Variants in LTBP2 observed in about 807,000 individuals in gnomAD.
LTBP2 encodes the protein latent-transforming growth factor beta-binding protein 2.
Under a neutral mutation model 210.6 loss-of-function variants are expected in LTBP2, and 103 were observed. The observed-to-expected ratio is 0.49, with a 90% CI of 0.42 to 0.58. The LOEUF (loss-of-function observed/expected upper bound fraction) is 0.58, where lower values mean the gene tolerates loss of function less well. Among genes scored for constraint, LTBP2 ranks in the 20% least tolerant of loss-of-function variants. The pLI, the probability that LTBP2 is intolerant of heterozygous loss-of-function variation, is 0.00. For missense variants in LTBP2, 2,313 were observed against 2,494.5 expected (o/e 0.93, Z 1.55); for synonymous variants, 1,007 against 1,015.0 (o/e 0.99, Z 0.15).
rs142851664 is a variant in LTBP2 at position 74,503,993 on chromosome 14, G to C, written c.4515C>G (p.Thr1505=). 1 of 1,614,040 alleles carries C rather than the reference G, an allele frequency of 6.2e-7. No homozygotes were observed. Among genetic ancestry groups the C allele is most frequent in the Non-Finnish European group, 8.5e-7 (1 of 1,180,036 alleles). The change falls in exon 31 of 36, where the codon ACC becomes ACG. Residue 1505 remains threonine (T), a synonymous_variant. Transcript: ENST00000261978. ...GLCPNGRCLN[T]VPGYVCLCNP... ...TGCACAGGCAGACATAACCAGGCAC[G>C]GTGTTGAGGCACCGGCCGTTCGGGC...
intron 3 of LTBP2, among the ~76,000 whole-genome samples, chr14:74,582,430 A>T (rs979148582): frequency 1.6e-5 from 2 of 126,760 alleles, no homozygotes; most frequent in African/African-American, 5.9e-5. Flanking sequence ...ACACACACAC[A>T]CACTCCAGTT....
chr14:74,609,534 C>G (rs140752454), intron 1 of LTBP2, among the ~76,000 whole-genome samples: 1 of 152,172 alleles, frequency 6.6e-6, no homozygotes, highest in Non-Finnish European at 1.5e-5. Flanking sequence ...TTCCCCTACA[C>G]CAAAGCTGCA....
chr14:74,559,122 A>G (rs2087762602), intron 3 of LTBP2, among the ~76,000 whole-genome samples: 1 of 152,238 alleles, frequency 6.6e-6, no homozygotes, highest in Non-Finnish European at 1.5e-5. Flanking sequence ...GGAGTTAGCT[A>G]CAGTTTGGAC....
rs762955681 is a variant in LTBP2 at position 74,522,031 on chromosome 14, CGTT to C, written c.2665_2667del (p.Asn889del). 2.4e-5 allele frequency: 39 copies of C among 1,612,640 alleles called. 1 individual carries two copies. The Admixed American group carries it at 3.5e-4, about 15-fold the overall frequency. On this transcript the variant is annotated inframe_deletion, in exon 17 of 36. Coordinates refer to ENST00000261978, the MANE Select transcript of LTBP2 (RefSeq NM_000428.3). ...CCCTTGCAGGGGTCCCTCAGACACTCGTTGTCATCTGACCAGAAGAAGGCAGGG... is the reference window on the plus strand; with the variant it reads ...CCCTTGCAGGGGTCCCTCAGACACTCGTCATCTGACCAGAAGAAGGCAGGG...
intron 2 of LTBP2, among the ~76,000 whole-genome samples, chr14:74,602,807 T>A (rs550770409): frequency 5.9e-5 from 9 of 152,204 alleles, no homozygotes; most frequent in Non-Finnish European, 1.2e-4. Flanking sequence ...ATCAGAGCAG[T>A]CCAAGGGGAG....
rs1324965374 is a variant in LTBP2 at position 74,500,029 on chromosome 14, GTT to G, written c.*853_*854del. Reference sequence around the variant, plus strand: ...AGGTTTGTTTCCTGTAAGAAGCAGTGTTTATGTAATAGAGGTCTTTGTAGATG... The same window carrying G: ...AGGTTTGTTTCCTGTAAGAAGCAGTGTATGTAATAGAGGTCTTTGTAGATG... On this transcript the variant is annotated 3_prime_UTR_variant, in exon 36 of 36. Transcript: ENST00000261978. The G allele has an allele frequency of 3.9e-5, 9 of 232,088 alleles. No homozygotes were observed. Among genetic ancestry groups the G allele is most frequent in the Non-Finnish European group, 7.7e-5 (9 of 117,390 alleles). The allele number at this position is 232,088 out of a possible 1,614,324, so 14.4% of individuals were successfully genotyped here. A position where few individuals can be genotyped will look rare whatever the true frequency, so the allele number is the denominator to read the frequency against.
chr14:74,525,091 T>G, intron 15 of LTBP2, 33 bp downstream of exon 15: 1 of 1,206,078 alleles, frequency 8.3e-7, no homozygotes, highest in Non-Finnish European at 1.1e-6. Context: ...CAGGGCAGGG[T>G]GCAGGGAGCC....
At chr14:74,576,427 A>C (rs61980911) in intron 3 of LTBP2, among the ~76,000 whole-genome samples, 13,479 of 152,252 alleles carry the variant, frequency 0.089, 863 homozygotes, top group African/African-American at 0.17. Flanking sequence ...AAAATGGATT[A>C]TATACCAATG....
chr14:74,608,729 G>T (rs1327820508), intron 1 of LTBP2, among the ~76,000 whole-genome samples: 5 of 127,260 alleles, frequency 3.9e-5, no homozygotes, highest in Non-Finnish European at 6.8e-5. Flanking sequence ...AAAAAAAAAA[G>T]AAAAAAAGAA....
intron 3 of LTBP2, among the ~76,000 whole-genome samples, chr14:74,567,736 C>T (rs1273940862): frequency 6.6e-6 from 1 of 152,098 alleles, no homozygotes; most frequent in Non-Finnish European, 1.5e-5. Context: ...GCGCTGGGCA[C>T]ACAGCTGCTG....
intron 2 of LTBP2, among the ~76,000 whole-genome samples, chr14:74,597,170 G>A (rs1156283576): frequency 6.6e-6 from 1 of 152,202 alleles, no homozygotes; most frequent in African/African-American, 2.4e-5. Context: ...CACCATGAGG[G>A]TTTGAAGGAA....
rs1158188451 is a variant in LTBP2, at chr14:74,610,269, AAG to A, written c.494+1180_494+1181del. 3.3e-5 allele frequency among the ~76,000 whole-genome samples: 5 copies of A among 152,246 alleles called. No homozygotes were observed. In the East Asian group the frequency reaches 9.6e-4, roughly 29 times the overall value. Reference sequence around the variant, plus strand: ...AAACATAAAGCAGGGTGAAAGGAGAAAGAGGATGGGGCACGGGTGGCCAAAAG... The same window carrying A: ...AAACATAAAGCAGGGTGAAAGGAGAAAGGATGGGGCACGGGTGGCCAAAAG... On this transcript the variant is annotated intron_variant, in intron 1 of 35. Transcript: ENST00000261978.
At chr14:74,575,496 G>C (rs1462377337) in intron 3 of LTBP2, among the ~76,000 whole-genome samples, 7 of 152,230 alleles carry the variant, frequency 4.6e-5, no homozygotes, top group Non-Finnish European at 7.3e-5. Context: ...CTGTCACAGA[G>C]ACTATAATGT....
chr14:74,566,274 C>T (rs534298368), intron 3 of LTBP2, among the ~76,000 whole-genome samples: 40 of 152,230 alleles, frequency 2.6e-4, no homozygotes, highest in Non-Finnish European at 4.3e-4. Flanking sequence ...CTAGGGAACA[C>T]CAACGCTTAA....
In LTBP2 at chr14:74,508,025, G is replaced by T; in HGVS notation, c.3723C>A (p.Asn1241Lys). The change falls in exon 25 of 36, where the codon AAC becomes AAA. Residue 1241 changes from asparagine to lysine, a missense_variant. By Grantham distance (94) the Asn-to-Lys change is moderately conservative (BLOSUM62 0). This residue lies in a region of LTBP2 where 1,867 missense variants were observed against 1,976.9 expected (regional missense o/e 0.94). Coordinates refer to ENST00000261978, the MANE Select transcript of LTBP2 (RefSeq NM_000428.3). ...GCTGGAAGCCAGTCTCACATAGACA[G>T]TTGAAGGAGCCCTCGGTGTTGACAC... ...GHCVNTEGSF[N>K]CLCETGFQPS... 2 of 1,614,002 alleles carry T rather than the reference G, an allele frequency of 1.2e-6. No individual in the cohort carries two copies. Among genetic ancestry groups the T allele is most frequent in the Non-Finnish European group, 1.7e-6 (2 of 1,180,028 alleles).
chr14:74,552,764 T>G, intron 5 of LTBP2, 128 bp downstream of exon 5: 3 of 1,199,502 alleles, frequency 2.5e-6, no homozygotes, highest in Non-Finnish European at 3.6e-6. Context: ...CAGCTCCCCA[T>G]GTGATTTGGG....
At chr14:74,519,938 C>T (rs1158608565) in intron 17 of LTBP2, among the ~76,000 whole-genome samples, 2 of 152,220 alleles carry the variant, frequency 1.3e-5, no homozygotes, top group Non-Finnish European at 2.9e-5. Context: ...CCTGGCTCCT[C>T]CAGCCTGTTC....
intron 24 of LTBP2, 39 bp downstream of exon 24, chr14:74,508,565 T>C (rs1244081348): frequency 6.3e-7 from 1 of 1,591,022 alleles, no homozygotes. Context: ...TGGCTTCCCA[T>C]GCTCCTGGCC....
At chr14:74,525,544 A>G (rs1322565496) in intron 14 of LTBP2, among the ~76,000 whole-genome samples, 1 of 152,164 alleles carries the variant, frequency 6.6e-6, no homozygotes, top group Non-Finnish European at 1.5e-5. Context: ...CCACTTCAAC[A>G]TTCTTTCACT....
Sources: allele counts gnomAD v4.1 joint callset (sites outside exome capture counted in the v4.1 genomes callset), GRCh38; gene constraint gnomAD v4.1.1; regional missense constraint gnomAD v4.1.1; transcripts MANE v1.5; gene names NCBI Gene and HGNC (gene_info 2026-07-23, HGNC 2026-07-21).